Variants in FBN2 observed in about 807,000 individuals in gnomAD.
FBN2 encodes fibrillin 2.
In FBN2, 105 loss-of-function variants were observed where a neutral mutation model predicts 355.6. The observed-to-expected ratio is 0.30, with a 90% CI of 0.25 to 0.35. The LOEUF (loss-of-function observed/expected upper bound fraction) is 0.35. Ranked by LOEUF, FBN2 falls within the 10% of genes least tolerant of loss-of-function variation. The pLI, the probability that FBN2 is intolerant of heterozygous loss-of-function variation, is 1.00. For synonymous variants in FBN2, 1,350 were observed against 1,301.2 expected, an observed-to-expected ratio of 1.04 and a Z score of -0.81; for missense variants, 3,280 against 3,758.7, an observed-to-expected ratio of 0.87 and a Z score of 3.33.
At chr5:128,305,993 T>C in intron 42 of FBN2, 45 bp from the exon 43 acceptor site, 1 of 1,566,110 alleles carries the variant, frequency 6.4e-7, no homozygotes, top group South Asian at 1.1e-5. Flanking sequence ...TTCTGTTTAA[T>C]ATACTTACCA....
chr5:128,485,029 C>CT (rs60338249), intron 5 of FBN2, among the ~76,000 whole-genome samples: 31,628 of 149,226 alleles, frequency 0.21, 5,898 homozygotes, highest in African/African-American at 0.5. Flanking sequence ...CACAAGGAAA[C>CT]TTTTTTTTTT....
At chr5:128,530,816 T>A (rs1454419668) in intron 2 of FBN2, 123 bp from the exon 3 acceptor site, 1 of 692,308 alleles carries the variant, frequency 1.4e-6, no homozygotes, top group African/African-American at 1.8e-5. Context: ...ATGATATAAA[T>A]GTCTAACTTC....
At position 128,334,726 on chromosome 5, in the gene FBN2, T is replaced by C; in HGVS notation, c.4092A>G (p.Gly1364=). Residue 1364 remains glycine, a synonymous_variant, in exon 31 of 65, where the codon GGA becomes GGG. Coordinates refer to ENST00000262464, the MANE Select transcript of FBN2 (RefSeq NM_001999.4). ...LGYSVKKGTT[G]CTDVDECEIG... ...CACAAGCTTGAAACCTACCTGTACA[T>C]CCTGTGGTCCCCTTCTTCACTGAGT... is the stretch of plus-strand genomic sequence containing the variant. 1 of 1,614,154 alleles carries C rather than the reference T, an allele frequency of 6.2e-7. No homozygotes were observed.
At chr5:128,452,198 A>G (rs1313095716) in intron 6 of FBN2, among the ~76,000 whole-genome samples, 1 of 152,186 alleles carries the variant, frequency 6.6e-6, no homozygotes, top group Non-Finnish European at 1.5e-5. Flanking sequence ...AAGTCCTATC[A>G]CAAGCAACTA....
intron 15 of FBN2, among the ~76,000 whole-genome samples, chr5:128,371,551 T>TGG (rs1056673312): frequency 1.2e-4 from 17 of 146,922 alleles, no homozygotes; most frequent in Admixed American, 1.0e-3. Flanking sequence ...TTTTTTGAGA[T>TGG]GGAGTCTCGC....
intron 5 of FBN2, among the ~76,000 whole-genome samples, chr5:128,500,999 A>C (rs530580787): frequency 6.6e-6 from 1 of 152,342 alleles, no homozygotes; most frequent in South Asian, 2.1e-4. Flanking sequence ...CACAAAGAAC[A>C]TAAGAACAAA....
chr5:128,268,217 A>G (rs938228230), intron 62 of FBN2, among the ~76,000 whole-genome samples: 1 of 152,242 alleles, frequency 6.6e-6, no homozygotes, highest in Admixed American at 6.5e-5. Context: ...ACAGAAATAC[A>G]AACTACCATC....
intron 17 of FBN2, among the ~76,000 whole-genome samples, chr5:128,365,865 A>C (rs1751752310): frequency 6.6e-6 from 1 of 151,816 alleles, no homozygotes; most frequent in African/African-American, 2.4e-5. Context: ...TACAAAATTG[A>C]AAGCAAGAAA....
chr5:128,508,575 A>G (rs1489659044), intron 5 of FBN2, among the ~76,000 whole-genome samples: 2 of 152,038 alleles, frequency 1.3e-5, no homozygotes, highest in Non-Finnish European at 2.9e-5. Flanking sequence ...CCCATAGGAC[A>G]TTGTAATTAA....
chr5:128,301,899 G>A (rs949642071), intron 46 of FBN2, among the ~76,000 whole-genome samples: 9 of 152,150 alleles, frequency 5.9e-5, no homozygotes, highest in Non-Finnish European at 1.2e-4. Context: ...CTGGAGCTAA[G>A]CTGAGCATAT....
chr5:128,424,327 A>C (rs766974787), intron 7 of FBN2, among the ~76,000 whole-genome samples: 5 of 152,176 alleles, frequency 3.3e-5, no homozygotes, highest in Non-Finnish European at 7.4e-5. Flanking sequence ...CTAGATTAGA[A>C]GGTGTTCGGG....
intron 2 of FBN2, among the ~76,000 whole-genome samples, chr5:128,534,909 C>T (rs903675066): frequency 1.3e-5 from 2 of 152,142 alleles, no homozygotes; most frequent in Non-Finnish European, 1.5e-5. Context: ...TCAGACTTTC[C>T]GCCGTGCCTA....
At chr5:128,366,592 T>C (rs1190641300) in intron 16 of FBN2, among the ~76,000 whole-genome samples, 162 bp from the exon 17 acceptor site, 1 of 152,074 alleles carries the variant, frequency 6.6e-6, no homozygotes, top group African/African-American at 2.4e-5. Context: ...ATTATAAAAT[T>C]CTGAACTTAT....
intron 5 of FBN2, among the ~76,000 whole-genome samples, chr5:128,495,462 A>AGT (rs1755631837): frequency 6.6e-6 from 1 of 152,168 alleles, no homozygotes; most frequent in African/African-American, 2.4e-5. Context: ...AAGTTTAACA[A>AGT]AGTTTAAGTA....
In FBN2 at chr5:128,313,863, A is replaced by AC. The variant is rs1430277157; in HGVS notation, c.4718-1069_4718-1068insG. 1.3e-4 allele frequency among the ~76,000 whole-genome samples: 20 copies of AC among 151,246 alleles called. 1 individual carries two copies. The highest frequency in any genetic ancestry group is 6.3e-4 in the South Asian group (3 of 4,778). On this transcript the variant is annotated intron_variant, in intron 36 of 64. Coordinates refer to ENST00000262464, the MANE Select transcript of FBN2 (RefSeq NM_001999.4). ...GCGAGACTCTGTCTCAAAAAAAAAA[A>AC]AAAAAAAAAAAAACATATCTGGAAT...
chr5:128,306,902 T>C (rs1749899844), intron 42 of FBN2, among the ~76,000 whole-genome samples: 1 of 152,186 alleles, frequency 6.6e-6, no homozygotes, highest in African/African-American at 2.4e-5. Context: ...GTGACAAATA[T>C]CGAGAGAGTC....
chr5:128,413,784 G>C (rs190943947), intron 7 of FBN2, among the ~76,000 whole-genome samples: 201 of 152,156 alleles, frequency 1.3e-3, no homozygotes, highest in Admixed American at 2.2e-3. Flanking sequence ...AAGAAATTTT[G>C]TTTTAAAAAC....
chr5:128,320,885 A>G (rs1750351432), intron 34 of FBN2, among the ~76,000 whole-genome samples: 1 of 152,234 alleles, frequency 6.6e-6, no homozygotes, highest in African/African-American at 2.4e-5. Context: ...TTTAGACAGT[A>G]TTAATGAATT....
intron 5 of FBN2, among the ~76,000 whole-genome samples, chr5:128,517,141 T>C (rs1287606071): frequency 6.6e-6 from 1 of 152,216 alleles, no homozygotes; most frequent in Non-Finnish European, 1.5e-5. Flanking sequence ...CTCAGAAATT[T>C]AGTAAGGACT....
Sources: allele counts gnomAD v4.1 joint callset (sites outside exome capture counted in the v4.1 genomes callset), GRCh38; gene constraint gnomAD v4.1.1; transcripts MANE v1.5; gene names NCBI Gene and HGNC (gene_info 2026-07-23, HGNC 2026-07-21).